TBC1D5: variants seen among roughly 807,000 people sequenced by gnomAD.
TBC1D5 encodes the protein TBC1 domain family member 5.
TBC1D5 carries 75 observed loss-of-function variants against 100.3 expected under a neutral mutation model. The observed-to-expected ratio is 0.75, with a 90% CI of 0.62 to 0.91. The LOEUF (loss-of-function observed/expected upper bound fraction) is 0.91, where lower values mean the gene tolerates loss of function less well. TBC1D5 is among the 40% of genes least tolerant of loss of function. TBC1D5 has a pLI of 0.00. For synonymous variants in TBC1D5, 323 were observed against 325.6 expected (o/e 0.99, Z 0.09); for missense variants, 910 against 942.4 (o/e 0.97, Z 0.45).
intron 1 of TBC1D5, among the ~76,000 whole-genome samples, chr3:17,645,997 A>G (rs931457583): frequency 6.6e-6 from 1 of 152,114 alleles, no homozygotes; most frequent in African/African-American, 2.4e-5. Flanking sequence ...TCAATGTTCT[A>G]ATCCCTAGTG....
intron 18 of TBC1D5, among the ~76,000 whole-genome samples, chr3:17,195,571 A>G (rs148765726): frequency 6.6e-6 from 1 of 152,344 alleles, no homozygotes; most frequent in East Asian, 1.9e-4. Flanking sequence ...TGTGAAGATG[A>G]AATGTACACA....
intron 3 of TBC1D5, among the ~76,000 whole-genome samples, chr3:17,461,237 A>C (rs1303053791): frequency 6.6e-6 from 1 of 152,194 alleles, no homozygotes; most frequent in Non-Finnish European, 1.5e-5. Flanking sequence ...TTTTCAGTTA[A>C]TTGTTCATGT....
chr3:17,358,115 T>C (rs2091381157), intron 13 of TBC1D5, among the ~76,000 whole-genome samples: 1 of 152,160 alleles, frequency 6.6e-6, no homozygotes, highest in Non-Finnish European at 1.5e-5. Flanking sequence ...AGATCTCTGG[T>C]TCTCTCCAGT....
chr3:17,484,257 T>A (rs2095532845), intron 3 of TBC1D5, among the ~76,000 whole-genome samples: 1 of 152,170 alleles, frequency 6.6e-6, no homozygotes, highest in African/African-American at 2.4e-5. Context: ...GATGTCATAA[T>A]TAAAACAAAC....
chr3:17,710,749 G>A (rs1374980009), intron 1 of TBC1D5, among the ~76,000 whole-genome samples: 1 of 152,020 alleles, frequency 6.6e-6, no homozygotes, highest in African/African-American at 2.4e-5. Flanking sequence ...CCAGGCTGGT[G>A]TGCAGTGGCG....
intron 15 of TBC1D5, among the ~76,000 whole-genome samples, chr3:17,278,687 T>C (rs1337083097): frequency 1.3e-5 from 2 of 152,162 alleles, no homozygotes; most frequent in Non-Finnish European, 2.9e-5. Flanking sequence ...AAAAAAGAGA[T>C]TGTTGGCTGC....
chr3:17,224,872 A>AT (rs2074674444), intron 17 of TBC1D5, among the ~76,000 whole-genome samples: 1 of 152,202 alleles, frequency 6.6e-6, no homozygotes, highest in Non-Finnish European at 1.5e-5. Context: ...AGCTCTTATC[A>AT]AAACTTATCT....
intron 2 of TBC1D5, among the ~76,000 whole-genome samples, chr3:17,516,881 G>T (rs1252273060): frequency 6.6e-6 from 1 of 151,920 alleles, no homozygotes; most frequent in Non-Finnish European, 1.5e-5. Context: ...ACATGCTCTG[G>T]CTACCTAAGT....
intron 3 of TBC1D5, among the ~76,000 whole-genome samples, chr3:17,459,823 T>C (rs1038564970): frequency 2.6e-5 from 4 of 152,138 alleles, no homozygotes; most frequent in Non-Finnish European, 4.4e-5. Context: ...CATAGATGAA[T>C]TGAAGGCACA....
intron 3 of TBC1D5, among the ~76,000 whole-genome samples, chr3:17,458,954 C>T (rs554417723): frequency 1.3e-5 from 2 of 152,210 alleles, no homozygotes; most frequent in South Asian, 4.2e-4. Flanking sequence ...TTAACTAACG[C>T]GTAGCCATAC....
intron 19 of TBC1D5, among the ~76,000 whole-genome samples, chr3:17,170,433 G>C (rs1176852824): frequency 6.6e-6 from 1 of 152,320 alleles, no homozygotes; most frequent in East Asian, 1.9e-4. Context: ...ATATCCATAG[G>C]GCAGAGGCCA....
intron 3 of TBC1D5, among the ~76,000 whole-genome samples, chr3:17,472,011 T>A (rs1003860486): frequency 5.3e-4 from 81 of 152,246 alleles, no homozygotes; most frequent in Middle Eastern, 3.4e-3. Context: ...AAGTAAACTA[T>A]AACAGTTTCA....
rs1463855920 is a variant in TBC1D5, at chr3:17,503,960, A to G, written c.97+4514T>C. 1.3e-5 allele frequency among the ~76,000 whole-genome samples: 2 copies of G among 149,564 alleles called. 1 individual carries two copies. Among genetic ancestry groups the G allele is most frequent in the Non-Finnish European group, 2.9e-5 (2 of 67,916 alleles). ...GGTCATATTTAAAAGAAAACATGGAATAAGTGAATTTTAGGAGAAACTTCA... is the reference window on the plus strand; with the variant it reads ...GGTCATATTTAAAAGAAAACATGGAGTAAGTGAATTTTAGGAGAAACTTCA... On this transcript the variant is annotated intron_variant, in intron 3 of 21. Transcript: ENST00000253692.
chr3:17,617,586 G>A (rs954298571), intron 2 of TBC1D5, among the ~76,000 whole-genome samples: 5 of 152,142 alleles, frequency 3.3e-5, no homozygotes, highest in Admixed American at 6.5e-5. Context: ...TGTAGGCTTC[G>A]TTTGCTTCTT....
intron 14 of TBC1D5, among the ~76,000 whole-genome samples, chr3:17,303,605 A>G (rs991962224): frequency 6.6e-6 from 1 of 152,138 alleles, no homozygotes; most frequent in African/African-American, 2.4e-5. Context: ...TACCAAGCAG[A>G]TCTAGAACTG....
intron 2 of TBC1D5, among the ~76,000 whole-genome samples, chr3:17,549,491 AAT>A (rs1425188580): frequency 6.6e-6 from 1 of 152,170 alleles, no homozygotes; most frequent in Non-Finnish European, 1.5e-5. Flanking sequence ...CTCTATAATA[AAT>A]ATATGAATAA....
chr3:17,547,659 G>GA, intron 2 of TBC1D5, among the ~76,000 whole-genome samples: 1 of 152,220 alleles, frequency 6.6e-6, no homozygotes, highest in Middle Eastern at 3.4e-3. Context: ...TTATTTAGAT[G>GA]AAAAATCAAA....
At chr3:17,294,336 C>T (rs1272642462) in intron 14 of TBC1D5, among the ~76,000 whole-genome samples, 1 of 152,172 alleles carries the variant, frequency 6.6e-6, no homozygotes, top group Non-Finnish European at 1.5e-5. Flanking sequence ...CCTCCTGCCC[C>T]AGCCTCTGGA....
chr3:17,286,748 A>G (rs990878140), intron 15 of TBC1D5, among the ~76,000 whole-genome samples: 11 of 152,334 alleles, frequency 7.2e-5, no homozygotes, highest in African/African-American at 2.6e-4. Context: ...ATGTAAGTAG[A>G]GGTCCACTAT....
Sources: allele counts gnomAD v4.1 joint callset (sites outside exome capture counted in the v4.1 genomes callset), GRCh38; gene constraint gnomAD v4.1.1; transcripts MANE v1.5; gene names NCBI Gene and HGNC (gene_info 2026-07-23, HGNC 2026-07-21).